Variants in PDIA5 observed in about 807,000 individuals in gnomAD.
PDIA5 encodes protein disulfide-isomerase A5.
In PDIA5, 58 loss-of-function variants were observed where a neutral mutation model predicts 77.6. The observed-to-expected ratio is 0.75, with a 90% confidence interval of 0.61 to 0.93. The LOEUF is 0.93. Ranked by LOEUF, PDIA5 falls within the 40% of genes least tolerant of loss-of-function variation. The pLI is 0.00. For missense variants in PDIA5, 630 were observed against 647.7 expected, an observed-to-expected ratio of 0.97 and a Z score of 0.30; for synonymous variants, 250 against 252.1, an observed-to-expected ratio of 0.99 and a Z score of 0.08.
Position 123,145,507 on chromosome 3 carries a change from G to A in PDIA5, c.911-15G>A, listed in dbSNP as rs1935745363. ...CTGTGCCATAAGAATGGTTTCTCTT[G>A]ATCTCTCCCCACAGGGTGTGGCCAC... On this transcript the variant is annotated splice_polypyrimidine_tract_variant and intron_variant, in intron 11 of 16. Coordinates refer to ENST00000316218, the MANE Select transcript of PDIA5 (RefSeq NM_006810.4). The A allele has an allele frequency of 6.2e-7, 1 of 1,611,672 alleles. No individual in the cohort carries two copies. The highest frequency in any genetic ancestry group is 1.7e-5 in the Admixed American group (1 of 60,014).
chr3:123,072,220 A>C (rs1933740970), intron 1 of PDIA5, among the ~76,000 whole-genome samples: 1 of 152,222 alleles, frequency 6.6e-6, no homozygotes. Flanking sequence ...AGTGGAAAGA[A>C]CATGGGCTTT....
intron 8 of PDIA5, among the ~76,000 whole-genome samples, chr3:123,122,253 C>G (rs1434301888): frequency 1.3e-5 from 2 of 151,970 alleles, no homozygotes; most frequent in Non-Finnish European, 2.9e-5. Flanking sequence ...TGAATGTGCA[C>G]TGACACTGGG....
intron 10 of PDIA5, among the ~76,000 whole-genome samples, chr3:123,129,629 C>T (rs1935327019): frequency 6.6e-6 from 1 of 152,200 alleles, no homozygotes; most frequent in Admixed American, 6.5e-5. Flanking sequence ...GACAGTAAAG[C>T]AGCAGGGAGA....
chr3:123,151,393 G>C (rs1190235658), intron 14 of PDIA5, among the ~76,000 whole-genome samples: 2 of 152,270 alleles, frequency 1.3e-5, no homozygotes, highest in Admixed American at 1.3e-4. Context: ...CCAAGGCCAT[G>C]GGGCAAGTTA....
intron 3 of PDIA5, among the ~76,000 whole-genome samples, chr3:123,097,753 A>G (rs1159880804): frequency 6.8e-6 from 1 of 146,036 alleles, no homozygotes; most frequent in Non-Finnish European, 1.5e-5. Flanking sequence ...TTCTTCTCCT[A>G]CCTGTCCCCA....
chr3:123,108,830 G>T (rs1245689820), intron 6 of PDIA5, among the ~76,000 whole-genome samples: 2 of 151,978 alleles, frequency 1.3e-5, no homozygotes, highest in African/African-American at 4.8e-5. Flanking sequence ...AGGTTGCAGT[G>T]AGCCGAGATC....
chr3:123,089,074 T>G, intron 1 of PDIA5, 94 bp from the exon 2 acceptor site: 2 of 1,259,844 alleles, frequency 1.6e-6, no homozygotes, highest in Non-Finnish European at 2.2e-6. Context: ...CCTCTGGAAG[T>G]AAAGCAGCTC....
intron 1 of PDIA5, among the ~76,000 whole-genome samples, chr3:123,073,342 C>T (rs1347908239): frequency 6.6e-6 from 1 of 152,164 alleles, no homozygotes; most frequent in African/African-American, 2.4e-5. Context: ...GTGGGGACCA[C>T]AGTCAGAGTT....
chr3:123,122,799 CCT>C (rs556630564), intron 8 of PDIA5, among the ~76,000 whole-genome samples: 113 of 152,252 alleles, frequency 7.4e-4, no homozygotes, highest in African/African-American at 2.5e-3. Flanking sequence ...TATTTATTTT[CCT>C]CTCTCTCTGT....
intron 15 of PDIA5, among the ~76,000 whole-genome samples, chr3:123,158,443 C>T (rs751035622): frequency 6.6e-6 from 1 of 152,060 alleles, no homozygotes; most frequent in Non-Finnish European, 1.5e-5. Flanking sequence ...GAAGTGATCT[C>T]AGGAAGTTCA....
At position 123,085,772 on chromosome 3, in the gene PDIA5, A is replaced by G. The variant is rs188698337; in HGVS notation, c.43-3396A>G. On this transcript the variant is annotated intron_variant, in intron 1 of 16. Transcript: ENST00000316218. ...GGCTGGACTACAGGTCAGAGTCCTG[A>G]GGCCCTGGGCAAGAGCAGTTGTTGC... Among the ~76,000 whole-genome samples the G allele has an allele frequency of 1.4e-3, 219 of 152,282 alleles. 1 individual carries two copies. The highest frequency in any genetic ancestry group is 5.0e-3 in the African/African-American group (206 of 41,566).
intron 7 of PDIA5, among the ~76,000 whole-genome samples, chr3:123,114,982 C>G (rs1336672706): frequency 6.6e-6 from 1 of 152,104 alleles, no homozygotes; most frequent in Non-Finnish European, 1.5e-5. Flanking sequence ...TGCATCTTGT[C>G]CGGTAGGCTT....
At chr3:123,146,059 C>G (rs1935763929) in intron 12 of PDIA5, 40 bp from the exon 13 acceptor site, 1 of 1,600,016 alleles carries the variant, frequency 6.2e-7, no homozygotes, top group Admixed American at 1.7e-5. Context: ...AGCACCGCAT[C>G]TGAGGCTGTA....
chr3:123,117,874 T>A (rs59321710), intron 8 of PDIA5, among the ~76,000 whole-genome samples: 1 of 152,136 alleles, frequency 6.6e-6, no homozygotes, highest in Non-Finnish European at 1.5e-5. Flanking sequence ...AGAAGTGTCT[T>A]GATGGCAACA....
intron 15 of PDIA5, among the ~76,000 whole-genome samples, chr3:123,161,028 A>G (rs575723703): frequency 6.6e-6 from 1 of 152,284 alleles, no homozygotes; most frequent in African/African-American, 2.4e-5. Flanking sequence ...GGTGTTTACA[A>G]ATGCTTTCAA....
intron 11 of PDIA5, among the ~76,000 whole-genome samples, chr3:123,131,228 C>T (rs1357756152): frequency 6.6e-6 from 1 of 152,062 alleles, no homozygotes; most frequent in Non-Finnish European, 1.5e-5. Context: ...TGTGATTGTG[C>T]CACTGCACTC....
intron 5 of PDIA5, among the ~76,000 whole-genome samples, chr3:123,106,163 G>T (rs1443384144): frequency 1.3e-5 from 2 of 152,206 alleles, no homozygotes; most frequent in Admixed American, 6.5e-5. Flanking sequence ...TGCCCTGGGG[G>T]CTTCCCAGCC....
intron 2 of PDIA5, among the ~76,000 whole-genome samples, chr3:123,090,657 A>C (rs1934260625): frequency 6.6e-6 from 1 of 152,208 alleles, no homozygotes; most frequent in Non-Finnish European, 1.5e-5. Flanking sequence ...CTGCAATGAC[A>C]GAAGGGCTTT....
rs188218101 is a variant in PDIA5 at position 123,150,790 on chromosome 3, G to A, written c.1273+426G>A. Among the ~76,000 whole-genome samples, 3 of 152,036 alleles carry A rather than the reference G, an allele frequency of 2.0e-5. No homozygotes were observed. In the East Asian group the frequency reaches 5.9e-4, roughly 30 times the overall value. On this transcript the variant is annotated intron_variant, in intron 14 of 16. Transcript: ENST00000316218. ...CCTTCCAGATGGCTCTGGAGCCGTG[G>A]CATAGGCACAGCCACATTCGCTCCT...
Sources: allele counts gnomAD v4.1 joint callset (sites outside exome capture counted in the v4.1 genomes callset), GRCh38; gene constraint gnomAD v4.1.1; transcripts MANE v1.5; gene names NCBI Gene and HGNC (gene_info 2026-07-23, HGNC 2026-07-21).